ADAMTS3: variants seen among roughly 807,000 people sequenced by gnomAD.
ADAMTS3 encodes the protein A disintegrin and metalloproteinase with thrombospondin motifs 3.
A neutral mutation model predicts 129.0 loss-of-function variants in ADAMTS3; 73 were observed. The ratio of observed to expected loss-of-function variants is 0.57; its 90% CI spans 0.47 to 0.69. ADAMTS3 has a LOEUF of 0.69. ADAMTS3 is among the 30% of genes least tolerant of loss of function. The pLI is 0.00. For missense variants in ADAMTS3, 1,457 were observed against 1,514.5 expected (o/e 0.96, Z 0.63); for synonymous variants, 477 against 510.8 (o/e 0.93, Z 0.89).
intron 3 of ADAMTS3, among the ~76,000 whole-genome samples, chr4:72,507,075 A>G (rs2110029887): frequency 6.6e-6 from 1 of 152,372 alleles, no homozygotes; most frequent in Middle Eastern, 3.4e-3. Context: ...GAGATTATCT[A>G]AATGCAGTAT....
At chr4:72,500,242 T>C (rs773899970) in intron 3 of ADAMTS3, among the ~76,000 whole-genome samples, 2 of 152,138 alleles carry the variant, frequency 1.3e-5, no homozygotes, top group Admixed American at 6.6e-5. Context: ...CCACTAACAG[T>C]GTATAAGCAT....
Position 72,555,380 on chromosome 4 carries a change from T to A in ADAMTS3, c.98-6496A>T, listed in dbSNP as rs560285018. ...TCACAGCCCTACACTGCAGCATCAC[T>A]ACAGTAGAGGATCACTGTTTTCTCT... On this transcript the variant is annotated intron_variant, in intron 2 of 21. Transcript: ENST00000286657. Among the ~76,000 whole-genome samples, 12 of 151,868 alleles carry A rather than the reference T, an allele frequency of 7.9e-5. No individual in the cohort carries two copies. The South Asian group carries it at 2.5e-3, about 32-fold the overall frequency.
At chr4:72,451,328 G>A (rs552219477) in intron 3 of ADAMTS3, among the ~76,000 whole-genome samples, 15 of 151,840 alleles carry the variant, frequency 9.9e-5, no homozygotes, top group Admixed American at 5.9e-4. Flanking sequence ...AAAAAAAGTT[G>A]ATAATGAGAA....
intron 2 of ADAMTS3, among the ~76,000 whole-genome samples, chr4:72,559,303 G>A (rs1721844059): frequency 6.6e-6 from 1 of 151,768 alleles, no homozygotes. Context: ...AAAATAAGGT[G>A]TAAGAAGTAA....
intron 3 of ADAMTS3, among the ~76,000 whole-genome samples, chr4:72,537,355 C>G (rs1442221112): frequency 6.6e-6 from 1 of 152,148 alleles, no homozygotes; most frequent in Non-Finnish European, 1.5e-5. Context: ...TTGCAAATCC[C>G]TCCTCATCTG....
At chr4:72,342,359 CT>C (rs58586015) in intron 4 of ADAMTS3, among the ~76,000 whole-genome samples, 32,767 of 127,062 alleles carry the variant, frequency 0.26, 4,366 homozygotes, top group East Asian at 0.41. Context: ...TCCCCAATTA[CT>C]TTTTTTTTTT....
intron 4 of ADAMTS3, among the ~76,000 whole-genome samples, chr4:72,413,635 T>C (rs544346070): frequency 5.9e-5 from 9 of 152,084 alleles, no homozygotes; most frequent in Non-Finnish European, 7.4e-5. Context: ...AATTTGCATA[T>C]ACATCTAATA....
intron 4 of ADAMTS3, among the ~76,000 whole-genome samples, chr4:72,379,352 CTCT>C (rs1721216466): frequency 6.6e-6 from 1 of 151,672 alleles, no homozygotes; most frequent in Admixed American, 6.6e-5. Context: ...TGAGACACAT[CTCT>C]TCTTGCATCT....
intron 1 of ADAMTS3, chr4:72,568,004 CAG>C (rs1722060989): frequency 6.5e-6 from 1 of 152,962 alleles, no homozygotes; most frequent in South Asian, 2.1e-4. Context: ...CGAAAAGAAA[CAG>C]AGCTGCACTC....
At chr4:72,295,471 G>A (rs752502541) in intron 19 of ADAMTS3, among the ~76,000 whole-genome samples, 183 bp downstream of exon 19, 1 of 152,012 alleles carries the variant, frequency 6.6e-6, no homozygotes, top group Non-Finnish European at 1.5e-5. Context: ...TTGTTTTTGA[G>A]GAACAAGAAT....
intron 3 of ADAMTS3, among the ~76,000 whole-genome samples, chr4:72,491,623 C>T (rs1254420963): frequency 1.3e-5 from 2 of 151,776 alleles, no homozygotes; most frequent in African/African-American, 4.8e-5. Context: ...AAAACTTCCA[C>T]TTTGTCATGG....
intron 3 of ADAMTS3, among the ~76,000 whole-genome samples, chr4:72,473,588 C>T (rs916758923): frequency 1.3e-5 from 2 of 151,352 alleles, no homozygotes. Flanking sequence ...ACTACATTCA[C>T]ACCAGCACAG....
chr4:72,414,997 T>C (rs750470699), intron 3 of ADAMTS3, 26 bp from the exon 4 acceptor site: 2 of 1,405,658 alleles, frequency 1.4e-6, no homozygotes, highest in East Asian at 5.4e-5. Flanking sequence ...AATGTGTTAA[T>C]TTAAAAAAGA....
chr4:72,450,185 A>G (rs1053276042), intron 3 of ADAMTS3, among the ~76,000 whole-genome samples: 5 of 151,750 alleles, frequency 3.3e-5, no homozygotes, highest in African/African-American at 1.2e-4. Context: ...GTTATGGTAC[A>G]CTGTTTAGTT....
At position 72,485,339 on chromosome 4, in the gene ADAMTS3, T is replaced by A. The variant is rs183095497; in HGVS notation, c.504+63139A>T. Reference sequence around the variant, plus strand: ...AGGGTTTAAGCTAAAATTTTTGTAGTTTAGACTGGAGTTCAATTGTCAAGT... The same window carrying A: ...AGGGTTTAAGCTAAAATTTTTGTAGATTAGACTGGAGTTCAATTGTCAAGT... On this transcript the variant is annotated intron_variant, in intron 3 of 21. Transcript: ENST00000286657. Among the ~76,000 whole-genome samples the A allele has an allele frequency of 7.9e-5, 12 of 152,288 alleles. No individual in the cohort carries two copies. The East Asian group carries it at 2.3e-3, about 29-fold the overall frequency.
At chr4:72,286,496 G>C (rs903650537) in intron 21 of ADAMTS3, among the ~76,000 whole-genome samples, 12 of 152,126 alleles carry the variant, frequency 7.9e-5, no homozygotes, top group African/African-American at 2.9e-4. Flanking sequence ...AAGGGTTGAA[G>C]ACTTAAAGCC....
chr4:72,408,980 G>A (rs1349499261), intron 4 of ADAMTS3, among the ~76,000 whole-genome samples: 1 of 151,900 alleles, frequency 6.6e-6, no homozygotes, highest in Non-Finnish European at 1.5e-5. Flanking sequence ...ATGGGTTGAG[G>A]GGTGCAACAA....
intron 19 of ADAMTS3, among the ~76,000 whole-genome samples, chr4:72,292,459 T>C (rs532968877): frequency 7.5e-4 from 115 of 152,326 alleles, no homozygotes; most frequent in Admixed American, 1.4e-3. Context: ...GTGGTGTGCA[T>C]TGGGGCTGGG....
chr4:72,427,571 A>T (rs1283554730), intron 3 of ADAMTS3, among the ~76,000 whole-genome samples: 1 of 152,106 alleles, frequency 6.6e-6, no homozygotes, highest in Non-Finnish European at 1.5e-5. Context: ...GAATAGAGAA[A>T]GAGATGAGTA....
Sources: gnomAD v4.1 joint callset for allele counts (sites outside exome capture counted in the v4.1 genomes callset) on GRCh38, gnomAD v4.1.1 for gene constraint, MANE v1.5 for transcripts, NCBI Gene and HGNC (gene_info 2026-07-23, HGNC 2026-07-21) for gene names.